TNFRSF10A: variants seen among roughly 807,000 people sequenced by gnomAD.
TNFRSF10A encodes the protein TNF receptor superfamily member 10a.
A neutral mutation model predicts 42.8 loss-of-function variants in TNFRSF10A; 44 were observed. That is an observed-to-expected ratio of 1.03 (90% CI 0.81 to 1.32). The LOEUF is 1.32. Ranked by LOEUF, TNFRSF10A falls within the 40% of genes most tolerant of loss-of-function variation. TNFRSF10A has a pLI of 0.00. For synonymous variants in TNFRSF10A, 259 were observed against 234.2 expected (o/e 1.11, Z -0.97); for missense variants, 680 against 602.0 (o/e 1.13, Z -1.36).
chr8:23,209,359 T>A (rs1167017311), intron 2 of TNFRSF10A, among the ~76,000 whole-genome samples: 1 of 152,224 alleles, frequency 6.6e-6, no homozygotes, highest in South Asian at 2.1e-4. Context: ...CACTGCCTAG[T>A]GGAGCTGTGA....
At position 23,197,464 on chromosome 8, in the gene TNFRSF10A, C is replaced by T. The variant is rs557502177; in HGVS notation, c.1015-260G>A. Among the ~76,000 whole-genome samples the T allele has an allele frequency of 9.9e-5, 15 of 152,248 alleles. No homozygotes were observed. The South Asian group carries it at 2.1e-3, about 21-fold the overall frequency. ...TGCAAACCCTATTGTGAACTGTGCA[C>T]GTCAGGGATCTGGGTTGCATACTCC... On this transcript the variant is annotated intron_variant, in intron 8 of 9. Coordinates refer to ENST00000221132, the MANE Select transcript of TNFRSF10A (RefSeq NM_003844.4).
chr8:23,216,059 T>C (rs1755210196), intron 1 of TNFRSF10A, among the ~76,000 whole-genome samples: 1 of 152,112 alleles, frequency 6.6e-6, no homozygotes, highest in South Asian at 2.1e-4. Context: ...CTCAGGTGAA[T>C]CGCCTGCCTC....
At chr8:23,197,007 G>T in intron 9 of TNFRSF10A, 125 bp downstream of exon 9, 1 of 1,266,282 alleles carries the variant, frequency 7.9e-7, no homozygotes, top group Non-Finnish European at 1.2e-6. Flanking sequence ...ATGGTCTATA[G>T]CATAGGACCC....
At chr8:23,203,343 G>T (rs949470840) in intron 2 of TNFRSF10A, among the ~76,000 whole-genome samples, 1 of 152,170 alleles carries the variant, frequency 6.6e-6, no homozygotes, top group Non-Finnish European at 1.5e-5. Context: ...ATGAGGGGAA[G>T]GCTTCAGATA....
intron 9 of TNFRSF10A, among the ~76,000 whole-genome samples, chr8:23,196,442 C>T (rs373695203): frequency 5.3e-5 from 8 of 152,070 alleles, no homozygotes; most frequent in South Asian, 2.1e-4. Context: ...GTGATTCGCC[C>T]GCCTCGGCCT....
chr8:23,195,887 C>A (rs1166234291), intron 9 of TNFRSF10A, among the ~76,000 whole-genome samples: 1 of 152,130 alleles, frequency 6.6e-6, no homozygotes. Flanking sequence ...GATCCAGGAC[C>A]AGACTCTCTG....
intron 1 of TNFRSF10A, among the ~76,000 whole-genome samples, chr8:23,223,198 T>C (rs1206982808): frequency 6.6e-6 from 1 of 152,186 alleles, no homozygotes; most frequent in African/African-American, 2.4e-5. Flanking sequence ...CCCGAGTAGC[T>C]GGGACTACAG....
Position 23,191,623 on chromosome 8 carries a change from T to TAAAA in TNFRSF10A, c.*67_*70dup. The TAAAA allele has an allele frequency of 2.3e-6, 3 of 1,308,844 alleles. No individual in the cohort carries two copies. The highest frequency in any genetic ancestry group is 2.9e-5 in the Admixed American group (1 of 34,022). 81.1% of individuals were successfully genotyped at this position (1,308,844 alleles called of 1,614,324 possible). A position where few individuals can be genotyped will look rare whatever the true frequency, so the allele number is the denominator to read the frequency against. On this transcript the variant is annotated 3_prime_UTR_variant, in exon 10 of 10. Coordinates refer to ENST00000221132, the MANE Select transcript of TNFRSF10A (RefSeq NM_003844.4). ...CTAAGAATTTACTTTGTATACATGTTAAAAAAAAAAAAAACCTAATATGTA... is the reference window on the plus strand; with the variant it reads ...CTAAGAATTTACTTTGTATACATGTTAAAAAAAAAAAAAAAAAACCTAATATGTA...
intron 8 of TNFRSF10A, 131 bp from the exon 9 acceptor site, chr8:23,197,335 A>C: frequency 9.3e-7 from 1 of 1,075,476 alleles, no homozygotes; most frequent in South Asian, 1.3e-5. Flanking sequence ...GGAGATGGTG[A>C]AAAACCTCTG....
Position 23,212,202 on chromosome 8 carries a change from C to G in TNFRSF10A, c.317G>C (p.Ser106Thr), listed in dbSNP as rs768012575. 1 of 1,613,332 alleles carries G rather than the reference C, an allele frequency of 6.2e-7. No homozygotes were observed. Among genetic ancestry groups the G allele is most frequent in the Admixed American group, 1.7e-5 (1 of 60,004 alleles). The change falls in exon 2 of 10, where the codon AGC (serine) becomes ACC (threonine). Residue 106 changes from serine to threonine, a missense_variant. By Grantham distance (58) the Ser-to-Thr change is moderately conservative. Coordinates refer to ENST00000221132, the MANE Select transcript of TNFRSF10A (RefSeq NM_003844.4). ...VVGVLLQVVP[S>T]SAATIKLHDQ... ...ATGAAGTTTGATGGTTGCAGCTGAG[C>G]TAGGTACGACCTGTGGGGACAAAGC...
chr8:23,201,713 A>G, intron 4 of TNFRSF10A, 95 bp downstream of exon 4: 1 of 1,175,204 alleles, frequency 8.5e-7, no homozygotes, highest in Non-Finnish European at 1.2e-6. Context: ...GTCAGGGCTG[A>G]TAGATACGGG....
At chr8:23,206,007 C>T (rs964565094) in intron 2 of TNFRSF10A, among the ~76,000 whole-genome samples, 48 of 151,858 alleles carry the variant, frequency 3.2e-4, no homozygotes, top group African/African-American at 1.1e-3. Context: ...TGAGCCACTG[C>T]GCCCGGCCAA....
intron 6 of TNFRSF10A, among the ~76,000 whole-genome samples, chr8:23,200,276 C>A (rs1286704452): frequency 6.6e-6 from 1 of 152,192 alleles, no homozygotes; most frequent in East Asian, 1.9e-4. Context: ...GCCCTGCCTT[C>A]CCAGACTTGG....
intron 1 of TNFRSF10A, among the ~76,000 whole-genome samples, chr8:23,213,573 G>A (rs528229105): frequency 1.3e-4 from 20 of 150,816 alleles, no homozygotes; most frequent in African/African-American, 1.2e-4. Flanking sequence ...TCAGCCTCCC[G>A]AGTAGCTGGG....
rs140026214 is a variant in TNFRSF10A, at chr8:23,202,367, T to A, written c.517+281A>T. ...GGAGCGTGGCCCCAGAGCAGACCCG[T>A]ACCACCGCTGAAACTCAGCCCTGTC... On this transcript the variant is annotated intron_variant, in intron 3 of 9. Coordinates refer to ENST00000221132, the MANE Select transcript of TNFRSF10A (RefSeq NM_003844.4). 1.1e-3 allele frequency among the ~76,000 whole-genome samples: 168 copies of A among 152,324 alleles called. 1 individual carries two copies. The highest frequency in any genetic ancestry group is 4.0e-3 in the African/African-American group (165 of 41,568).
chr8:23,201,895 G>T lies in TNFRSF10A; in HGVS notation c.542C>A (p.Thr181Asn). Residue 181 changes from threonine to asparagine, a missense_variant, in exon 4 of 10, where the codon ACC (threonine) becomes AAC (asparagine). Transcript: ENST00000221132. ...CTGACATGCTGTGTTCCTGGTCGTG[G>T]TGCAGGGACTTCTCTCTTCTTCATC... is the stretch of plus-strand genomic sequence containing the variant. ...KSDEEERSPC[T>N]TTRNTACQCK... 1.2e-6 allele frequency: 2 copies of T among 1,614,112 alleles called. No homozygotes were observed.
At chr8:23,200,426 G>T in intron 6 of TNFRSF10A, 79 bp downstream of exon 6, 1 of 1,503,984 alleles carries the variant, frequency 6.6e-7, no homozygotes, top group Non-Finnish European at 9.2e-7. Context: ...TTGGGGCAGG[G>T]GTGAGCGTTT....
intron 4 of TNFRSF10A, among the ~76,000 whole-genome samples, chr8:23,201,597 G>T (rs1377812092): frequency 6.6e-6 from 1 of 152,084 alleles, no homozygotes; most frequent in Admixed American, 6.5e-5. Flanking sequence ...AGGGGCCACT[G>T]CAGGGGACAG....
At chr8:23,209,038 G>A (rs1377368471) in intron 2 of TNFRSF10A, among the ~76,000 whole-genome samples, 1 of 152,146 alleles carries the variant, frequency 6.6e-6, no homozygotes, top group Non-Finnish European at 1.5e-5. Flanking sequence ...GTGGAGTCTA[G>A]GGACTTGGTG....
Sources: gnomAD v4.1 joint callset for allele counts (sites outside exome capture counted in the v4.1 genomes callset) on GRCh38, gnomAD v4.1.1 for gene constraint, MANE v1.5 for transcripts, NCBI Gene and HGNC (gene_info 2026-07-23, HGNC 2026-07-21) for gene names.